Variants in DNAH9 observed in about 807,000 individuals in gnomAD.
DNAH9 encodes dynein axonemal heavy chain 9, also known as DNAH9 variant protein.
A neutral mutation model predicts 471.6 loss-of-function variants in DNAH9; 345 were observed. That is an observed-to-expected ratio of 0.73 (90% CI 0.67 to 0.80). DNAH9 has a LOEUF of 0.80. DNAH9 is among the 30% of genes least tolerant of loss of function. The pLI, the probability that DNAH9 is intolerant of heterozygous loss-of-function variation, is 0.00. For missense variants in DNAH9, 5,407 were observed against 5,609.2 expected (o/e 0.96, Z 1.15); for synonymous variants, 2,093 against 2,123.6 (o/e 0.99, Z 0.40).
In DNAH9 at chr17:11,962,236, G is replaced by A. The variant is rs1412224958; in HGVS notation, c.13213G>A (p.Gly4405Ser). ...CTACATCCATGGCCTCTTCATGGAA[G>A]GTGCCTGCTGGGACACACAGGTAAA... ...GAYIHGLFME[G>S]ACWDTQAGII... is the part of the protein sequence containing the mutation. The change falls in exon 68 of 69, where the codon GGT (glycine) becomes AGT (serine). Residue 4405 changes from glycine (G) to serine (S), a missense_variant. By Grantham distance (56) the Gly-to-Ser change is moderately conservative. Transcript: ENST00000262442. This position sits in a 1 kb window ranked among gnomAD's most constrained non-coding sequence, Gnocchi z 4.1. The A allele has an allele frequency of 6.2e-7, 1 of 1,607,296 alleles. No individual in the cohort carries two copies. The highest frequency in any genetic ancestry group is 8.5e-7 in the Non-Finnish European group (1 of 1,176,408).
chr17:11,711,923 TATAAATATATATATTTG>T (rs2074838714), intron 26 of DNAH9, among the ~76,000 whole-genome samples: 3 of 71,038 alleles, frequency 4.2e-5, no homozygotes, highest in East Asian at 6.3e-4. Flanking sequence ...TATATTTATA[TATAAATATATATATTTG>T]TATATATATT....
rs776286391 is a variant in DNAH9, at chr17:11,679,815, GA to G, written c.3417del (p.Gly1140GlufsTer30). 1.2e-6 allele frequency: 2 copies of G among 1,614,092 alleles called. No individual in the cohort carries two copies. Among genetic ancestry groups the G allele is most frequent in the Non-Finnish European group, 1.7e-6 (2 of 1,179,996 alleles). ...KSESGLLKKV[E>X]KGDFQGLVEI... Reference sequence around the variant, plus strand: ...TGAGAGCGGCTTACTCAAGAAAGTTGAAAAAGGAGATTTCCAAGGCTTGGTT... The same window carrying G: ...TGAGAGCGGCTTACTCAAGAAAGTTGAAAAGGAGATTTCCAAGGCTTGGTT... On this transcript the variant is annotated frameshift_variant, in exon 18 of 69. Coordinates refer to ENST00000262442, the MANE Select transcript of DNAH9 (RefSeq NM_001372.4). LOFTEE classifies it high-confidence loss of function.
In DNAH9 at chr17:11,912,864, A is replaced by AT. The variant is rs548022682; in HGVS notation, c.11749+7064dup. Among the ~76,000 whole-genome samples, 735 of 151,392 alleles carry AT rather than the reference A, an allele frequency of 4.9e-3. 4 individuals carry two copies. The highest frequency in any genetic ancestry group is 0.01 in the Middle Eastern group (3 of 294). On this transcript the variant is annotated intron_variant, in intron 61 of 68. Coordinates refer to ENST00000262442, the MANE Select transcript of DNAH9 (RefSeq NM_001372.4). ...GTTGGAAAGTATTCCCTGTGCTTTT[A>AT]TTTTTTTTTAAAGATTTTGTAGGCC...
chr17:11,781,121 C>T lies in DNAH9; in HGVS notation c.7665C>T (p.Tyr2555=), dbSNP rs529737124. ...DDMNMPEVDA[Y]GTVQPHTIIR... is the part of the protein sequence containing the mutation. Reference sequence around the variant, plus strand: ...TGAACATGCCTGAGGTGGATGCCTACGGGACGGTGCAGCCCCACACCATCA... The same window carrying T: ...TGAACATGCCTGAGGTGGATGCCTATGGGACGGTGCAGCCCCACACCATCA... Residue 2555 remains tyrosine (Y), a synonymous_variant, in exon 39 of 69, where the codon TAC becomes TAT. Transcript: ENST00000262442. 1.9e-5 allele frequency: 31 copies of T among 1,614,184 alleles called. No individual in the cohort carries two copies. The East Asian group carries it at 2.7e-4, about 14-fold the overall frequency.
chr17:11,818,396 T>G (rs910901262), intron 45 of DNAH9, among the ~76,000 whole-genome samples: 17 of 149,630 alleles, frequency 1.1e-4, no homozygotes, highest in African/African-American at 4.2e-4. Context: ...GCCACTGCAC[T>G]CCAGCCTGGT....
intron 27 of DNAH9, among the ~76,000 whole-genome samples, chr17:11,724,720 C>A (rs2075123027): frequency 6.6e-6 from 1 of 152,232 alleles, no homozygotes; most frequent in East Asian, 1.9e-4. Flanking sequence ...GGTCCCCAAC[C>A]TTTTTGGCAT....
intron 7 of DNAH9, 137 bp downstream of exon 7, chr17:11,629,721 C>A: frequency 1.5e-6 from 1 of 689,410 alleles, no homozygotes; most frequent in Non-Finnish European, 2.3e-6. Flanking sequence ...GCTAATTATC[C>A]TTTGTGTTAG....
At chr17:11,948,200 G>A (rs1975209179) in intron 67 of DNAH9, among the ~76,000 whole-genome samples, 1 of 148,956 alleles carries the variant, frequency 6.7e-6, no homozygotes, top group South Asian at 2.1e-4. Flanking sequence ...AGTCTGGCTT[G>A]CTGACTGGGG....
intron 29 of DNAH9, among the ~76,000 whole-genome samples, chr17:11,741,526 G>C (rs747846017): frequency 6.7e-6 from 1 of 149,840 alleles, no homozygotes; most frequent in African/African-American, 2.5e-5. Context: ...ATACACCCTA[G>C]GTGTCTAGGC....
chr17:11,681,306 T>C (rs2074128992), intron 19 of DNAH9, among the ~76,000 whole-genome samples: 2 of 152,186 alleles, frequency 1.3e-5, no homozygotes, highest in South Asian at 2.1e-4. Context: ...AAAGGAAGGA[T>C]TTAGGTGAAG....
chr17:11,909,443 G>A (rs73298469), intron 61 of DNAH9, among the ~76,000 whole-genome samples: 27,113 of 151,888 alleles, frequency 0.18, 2,679 homozygotes, highest in African/African-American at 0.26. Context: ...CAAATTAGCC[G>A]GTCTTGAACT....
Position 11,644,712 on chromosome 17 carries a change from T to C in DNAH9, c.1970+13T>C, listed in dbSNP as rs1242912255. On this transcript the variant is annotated intron_variant, in intron 11 of 68. Transcript: ENST00000262442. ...CATTGCTAGAAAAGTAAGCAACTTC[T>C]GGCATTGCGTGGGTCTGCAGATTGC... 7 of 1,596,686 alleles carry C rather than the reference T, an allele frequency of 4.4e-6. No individual in the cohort carries two copies. Among genetic ancestry groups the C allele is most frequent in the East Asian group, 4.5e-5 (2 of 44,772 alleles).
At chr17:11,876,377 T>C (rs1972481748) in intron 53 of DNAH9, among the ~76,000 whole-genome samples, 1 of 152,062 alleles carries the variant, frequency 6.6e-6, no homozygotes, top group Non-Finnish European at 1.5e-5. Flanking sequence ...AAATAGCTTA[T>C]GTACCCCATA....
intron 67 of DNAH9, among the ~76,000 whole-genome samples, chr17:11,955,681 G>T (rs1975606363): frequency 1.3e-5 from 2 of 152,302 alleles, no homozygotes; most frequent in South Asian, 4.1e-4. Flanking sequence ...GACATAGGTG[G>T]AGTCAGGAGA....
chr17:11,844,874 G>C (rs947875060), intron 49 of DNAH9, among the ~76,000 whole-genome samples: 8 of 152,050 alleles, frequency 5.3e-5, no homozygotes, highest in African/African-American at 9.7e-5. Flanking sequence ...TTTCATTGCG[G>C]TTTTGATTTG....
chr17:11,936,309 T>C (rs1260084538), intron 65 of DNAH9, among the ~76,000 whole-genome samples: 1 of 152,028 alleles, frequency 6.6e-6, no homozygotes, highest in Non-Finnish European at 1.5e-5. Context: ...TTTCCCACCA[T>C]CGTATAAAGA....
intron 31 of DNAH9, among the ~76,000 whole-genome samples, chr17:11,747,351 A>C (rs1183909696): frequency 6.6e-6 from 1 of 152,220 alleles, no homozygotes; most frequent in Admixed American, 6.5e-5. Flanking sequence ...TTGGTGACTA[A>C]TAATTATATA....
intron 68 of DNAH9, 105 bp from the exon 69 acceptor site, chr17:11,969,194 CA>C: frequency 1.0e-6 from 1 of 954,480 alleles, no homozygotes; most frequent in Non-Finnish European, 1.6e-6. Context: ...TAAAGGCAGC[CA>C]TGTCAGTCCA....
intron 11 of DNAH9, among the ~76,000 whole-genome samples, chr17:11,645,767 T>A (rs1283283600): frequency 6.6e-6 from 1 of 151,928 alleles, no homozygotes; most frequent in Non-Finnish European, 1.5e-5. Flanking sequence ...CAAGCAAGCA[T>A]CCCTTCATCA....
Sources: gnomAD v4.1 joint callset for allele counts (sites outside exome capture counted in the v4.1 genomes callset) on GRCh38, gnomAD v4.1.1 for gene constraint, Gnocchi (gnomAD v3.1) non-coding constraint, MANE v1.5 for transcripts, NCBI Gene and HGNC (gene_info 2026-07-23, HGNC 2026-07-21) for gene names.